Variants in GRID2 observed in about 807,000 individuals in gnomAD.
GRID2 encodes glutamate receptor ionotropic, delta-2.
A neutral mutation model predicts 114.8 loss-of-function variants in GRID2; 33 were observed. The observed-to-expected ratio is 0.29, with a 90% CI of 0.22 to 0.38. The LOEUF is 0.38. Among genes scored for constraint, GRID2 ranks in the 10% least tolerant of loss-of-function variants. The pLI, the probability that GRID2 is intolerant of heterozygous loss-of-function variation, is 1.00. For synonymous variants in GRID2, 505 were observed against 449.9 expected (o/e 1.12, Z -1.55); for missense variants, 1,184 against 1,257.7 (o/e 0.94, Z 0.89).
At chr4:93,265,051 G>T (rs1474292253) in intron 8 of GRID2, among the ~76,000 whole-genome samples, 4 of 151,702 alleles carry the variant, frequency 2.6e-5, no homozygotes, top group African/African-American at 4.8e-5. Context: ...AAAGTGCGGG[G>T]ATTACAGGCA....
At chr4:92,682,326 T>G (rs1411525941) in intron 2 of GRID2, among the ~76,000 whole-genome samples, 1 of 152,118 alleles carries the variant, frequency 6.6e-6, no homozygotes, top group Non-Finnish European at 1.5e-5. Flanking sequence ...AGTCCCAAAG[T>G]GCAAGTGTTG....
chr4:93,476,325 G>A (rs1021821970), intron 11 of GRID2, among the ~76,000 whole-genome samples: 9 of 152,030 alleles, frequency 5.9e-5, no homozygotes, highest in African/African-American at 1.9e-4. Context: ...GAAAAACACA[G>A]GGATGATATA....
intron 2 of GRID2, among the ~76,000 whole-genome samples, chr4:92,947,122 T>C (rs1320427967): frequency 2.6e-5 from 4 of 152,068 alleles, no homozygotes; most frequent in Non-Finnish European, 5.9e-5. Context: ...ACTGGGTTTA[T>C]TTATATGTCT....
At chr4:93,361,701 A>G (rs1184979171) in intron 8 of GRID2, among the ~76,000 whole-genome samples, 1 of 151,808 alleles carries the variant, frequency 6.6e-6, no homozygotes, top group South Asian at 2.1e-4. Context: ...AGTGGGTGTT[A>G]TTTTCTTGCT....
intron 2 of GRID2, among the ~76,000 whole-genome samples, chr4:92,708,442 A>G (rs1186215903): frequency 6.6e-6 from 1 of 152,142 alleles, no homozygotes; most frequent in Non-Finnish European, 1.5e-5. Context: ...CTGGTTCATG[A>G]GTTAAGGTTT....
At chr4:92,766,502 A>G (rs1035173469) in intron 2 of GRID2, among the ~76,000 whole-genome samples, 4 of 148,126 alleles carry the variant, frequency 2.7e-5, no homozygotes, top group African/African-American at 7.6e-5. Flanking sequence ...GTGCCACTGC[A>G]CTACAGCTTG....
intron 1 of GRID2, among the ~76,000 whole-genome samples, chr4:92,520,110 T>C (rs1017923604): frequency 1.3e-5 from 2 of 151,860 alleles, no homozygotes; most frequent in Non-Finnish European, 2.9e-5. Flanking sequence ...CCTTAAGTCA[T>C]ACTTAATCTC....
chr4:92,434,021 C>A (rs4444795), intron 1 of GRID2, among the ~76,000 whole-genome samples: 1 of 152,068 alleles, frequency 6.6e-6, no homozygotes, highest in Non-Finnish European at 1.5e-5. Context: ...TATAAACCCA[C>A]GTCAAAATTG....
intron 2 of GRID2, among the ~76,000 whole-genome samples, chr4:92,840,404 C>T (rs932728254): frequency 3.3e-5 from 5 of 151,834 alleles, no homozygotes; most frequent in Non-Finnish European, 7.4e-5. Flanking sequence ...TCTCTTCCTT[C>T]TTTCTTTTCT....
intron 13 of GRID2, among the ~76,000 whole-genome samples, chr4:93,539,787 A>G (rs1010457689): frequency 2.5e-4 from 38 of 151,998 alleles, no homozygotes; most frequent in African/African-American, 8.7e-4. Context: ...GATGTCAGAA[A>G]TATGTCTGAT....
At chr4:92,944,142 TCTG>T (rs1215567072) in intron 2 of GRID2, among the ~76,000 whole-genome samples, 6 of 152,204 alleles carry the variant, frequency 3.9e-5, no homozygotes, top group Admixed American at 2.6e-4. Context: ...TGCAGAGTTT[TCTG>T]CTGCCTTTTG....
intron 4 of GRID2, among the ~76,000 whole-genome samples, chr4:93,147,404 G>A (rs1477527945): frequency 6.6e-6 from 1 of 152,124 alleles, no homozygotes; most frequent in Non-Finnish European, 1.5e-5. Context: ...AGAAAAATGT[G>A]TACTCAGATT....
At chr4:93,007,481 G>A (rs543330563) in intron 2 of GRID2, among the ~76,000 whole-genome samples, 1 of 152,136 alleles carries the variant, frequency 6.6e-6, no homozygotes, top group African/African-American at 2.4e-5. Context: ...AAAAATGCAA[G>A]GAAAGACTAT....
chr4:93,638,301 C>CTTTTTTTTTTTTTTTTT (rs1184003180), intron 14 of GRID2, among the ~76,000 whole-genome samples: 10 of 77,300 alleles, frequency 1.3e-4, no homozygotes, highest in East Asian at 4.7e-4. Flanking sequence ...AAACTTGCAT[C>CTTTTTTTTTTTTTTTTT]TTTTTTTTTT....
chr4:92,895,405 A>ATATATATATATATAT (rs1560677408), intron 2 of GRID2, among the ~76,000 whole-genome samples: 34 of 146,028 alleles, frequency 2.3e-4, no homozygotes, highest in Middle Eastern at 3.6e-3. Context: ...ATATATATAT[A>ATATATATATATATAT]AACTGAAAGA....
chr4:92,587,453 C>G (rs1485834093), intron 1 of GRID2, among the ~76,000 whole-genome samples: 1 of 151,968 alleles, frequency 6.6e-6, no homozygotes, highest in Non-Finnish European at 1.5e-5. Context: ...GTCCCAGGAT[C>G]CTTCCTGTGG....
At chr4:93,308,572 CAT>C (rs1252517749) in intron 8 of GRID2, among the ~76,000 whole-genome samples, 4 of 152,080 alleles carry the variant, frequency 2.6e-5, no homozygotes, top group East Asian at 3.9e-4. Context: ...CTTTTTTCCA[CAT>C]GTTAGTAAAG....
At chr4:93,457,162 T>A (rs1260435169) in intron 11 of GRID2, among the ~76,000 whole-genome samples, 1 of 152,154 alleles carries the variant, frequency 6.6e-6, no homozygotes, top group African/African-American at 2.4e-5. Flanking sequence ...CAATTGTGGG[T>A]AGAAAGTTCT....
At chr4:93,632,265 G>T (rs1720979907) in intron 14 of GRID2, among the ~76,000 whole-genome samples, 1 of 152,084 alleles carries the variant, frequency 6.6e-6, no homozygotes, top group African/African-American at 2.4e-5. Context: ...CATTGCTTTT[G>T]GTGTTTTAGA....
Sources: gnomAD v4.1 joint callset for allele counts (sites outside exome capture counted in the v4.1 genomes callset) on GRCh38, gnomAD v4.1.1 for gene constraint, MANE v1.5 for transcripts, NCBI Gene and HGNC (gene_info 2026-07-23, HGNC 2026-07-21) for gene names.